RRM2: variants seen among roughly 807,000 people sequenced by gnomAD.
RRM2 encodes ribonucleotide reductase regulatory subunit M2.
A neutral mutation model predicts 45.9 loss-of-function variants in RRM2; 6 were observed. That is an observed-to-expected ratio of 0.13 (90% CI 0.07 to 0.26). The LOEUF (loss-of-function observed/expected upper bound fraction) is 0.26. Ranked by LOEUF, RRM2 falls within the 10% of genes least tolerant of loss-of-function variation. The probability of loss-of-function intolerance (pLI) is 1.00; values close to 1 mark genes in which losing one functional copy is unlikely to be tolerated. For missense variants in RRM2, 343 were observed against 489.5 expected (o/e 0.70, Z 2.82); for synonymous variants, 177 against 173.0 (o/e 1.02, Z -0.18).
chr2:10,142,765 A>C (rs1244319990), intron 3 of RRM2, among the ~76,000 whole-genome samples: 1 of 152,128 alleles, frequency 6.6e-6, no homozygotes, highest in Non-Finnish European at 1.5e-5. Flanking sequence ...GCTGTGTTGC[A>C]TGAGCCCCTC....
At chr2:10,178,031 C>G (rs2125324624) in intron 3 of RRM2, among the ~76,000 whole-genome samples, 1 of 151,852 alleles carries the variant, frequency 6.6e-6, no homozygotes, top group Non-Finnish European at 1.5e-5. Context: ...ACGCCATTCT[C>G]CTGCCTCAGC....
downstream of RRM2, among the ~76,000 whole-genome samples, chr2:10,135,835 A>G (rs542918913): frequency 2.7e-4 from 41 of 152,274 alleles, no homozygotes; most frequent in African/African-American, 9.6e-4. Context: ...ACCAAGCAAC[A>G]TGGTCTCTGC....
rs185651442 is a variant in RRM2 at position 10,205,310 on chromosome 2, G to T, written n.483-5001G>T. Among the ~76,000 whole-genome samples the T allele has an allele frequency of 2.0e-4, 30 of 152,344 alleles. No homozygotes were observed. The highest frequency in any genetic ancestry group is 3.9e-4 in the Admixed American group (6 of 15,302). Reference sequence around the variant, plus strand: ...ATGGGGCCTGTGATATCTGCGGCCAGTGCCCTCGGTATGTCCCACTCAGCA... The same window carrying T: ...ATGGGGCCTGTGATATCTGCGGCCATTGCCCTCGGTATGTCCCACTCAGCA... On this transcript the variant is annotated intron_variant and non_coding_transcript_variant, in intron 3 of 3. Coordinates refer to the RRM2 transcript ENST00000381786. This position sits in a 1 kb window ranked among gnomAD's most constrained non-coding sequence, Gnocchi z 4.8.
At chr2:10,198,067 A>G (rs536620128) in intron 3 of RRM2, among the ~76,000 whole-genome samples, 1 of 151,784 alleles carries the variant, frequency 6.6e-6, no homozygotes, top group South Asian at 2.1e-4. Context: ...GGCGGAGGAA[A>G]CCCTCTTCCC....
intron 3 of RRM2, among the ~76,000 whole-genome samples, chr2:10,167,408 T>A (rs72786697): frequency 1.1e-4 from 17 of 152,238 alleles, no homozygotes; most frequent in Admixed American, 3.3e-4. Context: ...TGGACTCGCC[T>A]CTCGCCCTGC....
At position 10,127,014 on chromosome 2, in the gene RRM2, A is replaced by G; in HGVS notation, c.664+45A>G. The G allele has an allele frequency of 6.2e-7, 1 of 1,611,580 alleles. No homozygotes were observed. Among genetic ancestry groups the G allele is most frequent in the Non-Finnish European group, 8.5e-7 (1 of 1,178,038 alleles). On this transcript the variant is annotated intron_variant, in intron 6 of 9. Coordinates refer to ENST00000304567, the MANE Select transcript of RRM2 (RefSeq NM_001034.4). This position sits in a 1 kb window ranked among gnomAD's most constrained non-coding sequence, Gnocchi z 4.1. ...TACTTAAACCTGAGCTTCATTTTCC[A>G]AGTAATGTTACTGGATTTTTGGCCC...
intron 3 of RRM2, among the ~76,000 whole-genome samples, chr2:10,157,896 G>A (rs1204384869): frequency 6.6e-6 from 1 of 152,184 alleles, no homozygotes; most frequent in African/African-American, 2.4e-5. Context: ...GCGTAACCTA[G>A]TAGAATGCCT....
At chr2:10,122,940 G>A in intron 1 of RRM2, 43 bp downstream of exon 1, 1 of 1,548,728 alleles carries the variant, frequency 6.5e-7, no homozygotes, top group Non-Finnish European at 8.7e-7. Context: ...GAGGGAGGCA[G>A]GGAAAGCGAA....
intron 3 of RRM2, among the ~76,000 whole-genome samples, chr2:10,189,866 A>C (rs1010421084): frequency 2.0e-5 from 3 of 152,258 alleles, no homozygotes; most frequent in Non-Finnish European, 2.9e-5. Context: ...AGCCTGGCAC[A>C]TAGTGGGCAC....
chr2:10,158,007 T>G (rs1302859624), intron 3 of RRM2, among the ~76,000 whole-genome samples: 1 of 152,186 alleles, frequency 6.6e-6, no homozygotes, highest in African/African-American at 2.4e-5. Context: ...GAGGGGTAAG[T>G]GACTAAATGA....
chr2:10,138,146 T>G (rs942499457), upstream of RRM2, among the ~76,000 whole-genome samples: 1 of 149,880 alleles, frequency 6.7e-6, no homozygotes, highest in African/African-American at 2.5e-5. Context: ...AATTACAGGC[T>G]CCTGCCATCA....
chr2:10,155,017 C>T, intron 3 of RRM2: 1 of 173,766 alleles, frequency 5.8e-6, no homozygotes. Flanking sequence ...GATTCTTAAG[C>T]CTAACATAGT....
intron 3 of RRM2, among the ~76,000 whole-genome samples, chr2:10,151,511 G>A (rs1183228613): frequency 6.6e-6 from 1 of 152,074 alleles, no homozygotes; most frequent in African/African-American, 2.4e-5. Context: ...TGTTGGCCAG[G>A]CTGGTCTTGA....
At chr2:10,206,585 G>A (rs1447168502) in intron 3 of RRM2, among the ~76,000 whole-genome samples, 1 of 152,150 alleles carries the variant, frequency 6.6e-6, no homozygotes, top group Admixed American at 6.5e-5. Context: ...ATGCTTAACC[G>A]GAGTTCCAGA....
intron 3 of RRM2, among the ~76,000 whole-genome samples, chr2:10,183,926 A>G (rs921019126): frequency 2.0e-5 from 3 of 151,784 alleles, no homozygotes; most frequent in African/African-American, 4.8e-5. Context: ...TGTCTCTACT[A>G]AAAATACAAA....
At chr2:10,149,397 G>T (rs1663258904) in intron 3 of RRM2, among the ~76,000 whole-genome samples, 1 of 152,196 alleles carries the variant, frequency 6.6e-6, no homozygotes, top group African/African-American at 2.4e-5. Flanking sequence ...CCAAAGTGCT[G>T]GGATTGCAGG....
chr2:10,162,860 T>C (rs951454340), intron 3 of RRM2, among the ~76,000 whole-genome samples: 1 of 152,208 alleles, frequency 6.6e-6, no homozygotes, highest in African/African-American at 2.4e-5. Flanking sequence ...AGGGGTTCTT[T>C]AGGTAGAGAC....
chr2:10,202,490 G>A (rs1477777263), intron 3 of RRM2, among the ~76,000 whole-genome samples: 2 of 152,166 alleles, frequency 1.3e-5, no homozygotes, highest in Non-Finnish European at 2.9e-5. Flanking sequence ...TTTCTCTCAG[G>A]GGCACTCTCT....
intron 3 of RRM2, among the ~76,000 whole-genome samples, chr2:10,154,546 A>C (rs2125316313): frequency 6.6e-6 from 1 of 151,878 alleles, no homozygotes; most frequent in African/African-American, 2.4e-5. Flanking sequence ...TTGCATGGTC[A>C]ATATCCTAAC....
Sources: gnomAD v4.1 joint callset for allele counts (sites outside exome capture counted in the v4.1 genomes callset) on GRCh38, gnomAD v4.1.1 for gene constraint, Gnocchi (gnomAD v3.1) non-coding constraint, MANE v1.5 for transcripts, NCBI Gene and HGNC (gene_info 2026-07-23, HGNC 2026-07-21) for gene names.